The following UNC5C variants were observed in gnomAD, a reference collection of about 807,000 sequenced individuals.
The protein encoded by UNC5C is netrin receptor UNC5C.
Under a neutral mutation model 99.8 loss-of-function variants are expected in UNC5C, and 47 were observed. The observed-to-expected ratio is 0.47, with a 90% confidence interval of 0.37 to 0.60. The LOEUF is 0.60. Ranked by LOEUF, UNC5C falls within the 20% of genes least tolerant of loss-of-function variation. The pLI, the probability that UNC5C is intolerant of heterozygous loss-of-function variation, is 0.00. For synonymous variants in UNC5C, 487 were observed against 452.2 expected (o/e 1.08, Z -0.98); for missense variants, 1,062 against 1,165.9 (o/e 0.91, Z 1.30).
At chr4:95,472,536 C>T (rs1748002460) in intron 1 of UNC5C, among the ~76,000 whole-genome samples, 2 of 152,078 alleles carry the variant, frequency 1.3e-5, no homozygotes, top group Non-Finnish European at 2.9e-5. Flanking sequence ...AAAGTGAGCA[C>T]ATGAAAACCG....
intron 2 of UNC5C, among the ~76,000 whole-genome samples, chr4:95,304,263 C>T (rs555974041): frequency 6.6e-6 from 1 of 152,234 alleles, no homozygotes; most frequent in African/African-American, 2.4e-5. Flanking sequence ...ATTAGCAATC[C>T]TTGTATGTTT....
In UNC5C at chr4:95,219,097, G is replaced by T. The variant is rs1738365997; in HGVS notation, c.1517C>A (p.Thr506Asn). 6.2e-7 allele frequency: 1 copy of T among 1,614,154 alleles called. No homozygotes were observed. Among genetic ancestry groups the T allele is most frequent in the Non-Finnish European group, 8.5e-7 (1 of 1,180,024 alleles). ...EFTSKLSPQM[T>N]QSLLENEALS... ...GGCTTCATTCTCCAACAACGACTGGGTCATCTGAGGGGACAGCTTGGACGT... is the reference window on the plus strand; with the variant it reads ...GGCTTCATTCTCCAACAACGACTGGTTCATCTGAGGGGACAGCTTGGACGT... The change falls in exon 9 of 16, where the codon ACC becomes AAC. Residue 506 changes from threonine to asparagine, a missense_variant. By Grantham distance (65) the Thr-to-Asn change is moderately conservative. Around this residue, in one of 3 missense-constraint regions of UNC5C, gnomAD observed 810 missense variants for 854.5 expected, o/e 0.95. Coordinates refer to ENST00000453304, the MANE Select transcript of UNC5C (RefSeq NM_003728.4).
intron 1 of UNC5C, among the ~76,000 whole-genome samples, chr4:95,483,751 T>A (rs1721243780): frequency 6.6e-6 from 1 of 151,818 alleles, no homozygotes; most frequent in African/African-American, 2.4e-5. Flanking sequence ...TTATTTTTAC[T>A]GTTTTCAACC....
chr4:95,164,276 A>G lies in UNC5C; in HGVS notation c.*4958T>C, dbSNP rs906994262. 2 of 152,236 alleles carry G rather than the reference A, an allele frequency of 1.3e-5. No homozygotes were observed. The highest frequency in any genetic ancestry group is 2.4e-5 in the African/African-American group (1 of 41,466). The allele number at this position is 152,236 out of a possible 1,614,324, so 9.4% of individuals were successfully genotyped here. On this transcript the variant is annotated 3_prime_UTR_variant, in exon 16 of 16. Coordinates refer to ENST00000453304, the MANE Select transcript of UNC5C (RefSeq NM_003728.4). ...ACTTCATTTGGCTTTCCTGGCCTGTATGGATATGGGTTTACATAACATTGG... is the reference window on the plus strand; with the variant it reads ...ACTTCATTTGGCTTTCCTGGCCTGTGTGGATATGGGTTTACATAACATTGG...
chr4:95,171,353 A>G (rs1451085240), intron 14 of UNC5C, among the ~76,000 whole-genome samples: 1 of 151,198 alleles, frequency 6.6e-6, no homozygotes, highest in Non-Finnish European at 1.5e-5. Context: ...ATCTAGCATT[A>G]GGTATATCTC....
chr4:95,177,854 A>G (rs998053156), intron 14 of UNC5C, among the ~76,000 whole-genome samples: 2 of 147,686 alleles, frequency 1.4e-5, no homozygotes, highest in Non-Finnish European at 3.0e-5. Context: ...GGTGTGCACC[A>G]TCACACTGGG....
chr4:95,380,885 C>G (rs979039120), intron 1 of UNC5C, among the ~76,000 whole-genome samples: 2 of 152,136 alleles, frequency 1.3e-5, no homozygotes, highest in African/African-American at 4.8e-5. Context: ...ATGGCTCTCC[C>G]AGGGACCATG....
chr4:95,219,439 G>T, intron 8 of UNC5C, 126 bp from the exon 9 acceptor site: 1 of 865,152 alleles, frequency 1.2e-6, no homozygotes, highest in Non-Finnish European at 1.8e-6. Context: ...GAGATAGATA[G>T]ACAGGCTCTA....
At chr4:95,440,183 GGAAAGCCAGAAGTACACGTAATGGA>G (rs1433175074) in intron 1 of UNC5C, among the ~76,000 whole-genome samples, 1 of 152,132 alleles carries the variant, frequency 6.6e-6, no homozygotes, top group African/African-American at 2.4e-5. Context: ...TGCACGGATA[GGAAAGCCAGAAGTACACGTAATGGA>G]GAAAGGGAGA....
intron 1 of UNC5C, among the ~76,000 whole-genome samples, chr4:95,345,747 G>C (rs1459758941): frequency 1.3e-5 from 2 of 151,914 alleles, no homozygotes; most frequent in African/African-American, 4.8e-5. Flanking sequence ...ATATGCTCCT[G>C]AACAACCAGT....
At chr4:95,224,927 G>C (rs1290799121) in intron 7 of UNC5C, among the ~76,000 whole-genome samples, 1 of 151,816 alleles carries the variant, frequency 6.6e-6, no homozygotes, top group Non-Finnish European at 1.5e-5. Context: ...TTAAGATCAG[G>C]AGGCAAGTGC....
chr4:95,430,990 C>T (rs576736731), intron 1 of UNC5C, among the ~76,000 whole-genome samples: 2 of 152,194 alleles, frequency 1.3e-5, no homozygotes, highest in Admixed American at 6.5e-5. Flanking sequence ...GCCACTCACA[C>T]ATCATTCTTC....
intron 7 of UNC5C, among the ~76,000 whole-genome samples, chr4:95,239,866 C>A (rs1280069675): frequency 1.3e-5 from 2 of 152,060 alleles, no homozygotes; most frequent in East Asian, 1.9e-4. Context: ...TCTTAAGTAC[C>A]AAGTTAGCTT....
intron 1 of UNC5C, among the ~76,000 whole-genome samples, chr4:95,528,534 A>C (rs898222340): frequency 2.0e-5 from 3 of 152,210 alleles, no homozygotes; most frequent in Admixed American, 6.5e-5. Context: ...AGGAGACAAC[A>C]AATGTGCACA....
intron 1 of UNC5C, among the ~76,000 whole-genome samples, chr4:95,497,311 T>G (rs1721657081): frequency 6.6e-6 from 1 of 151,996 alleles, no homozygotes; most frequent in Non-Finnish European, 1.5e-5. Context: ...AGTGTCTGCT[T>G]TTAACCACAG....
chr4:95,245,218 A>G (rs1468176301), intron 5 of UNC5C, 74 bp from the exon 6 acceptor site: 7 of 1,428,192 alleles, frequency 4.9e-6, no homozygotes, highest in Non-Finnish European at 6.5e-6. Context: ...CACAAAACAG[A>G]CACAATATGT....
At chr4:95,238,596 A>G (rs1739212748) in intron 7 of UNC5C, among the ~76,000 whole-genome samples, 2 of 152,300 alleles carry the variant, frequency 1.3e-5, no homozygotes, top group South Asian at 2.1e-4. Context: ...TTTACTCAGT[A>G]AGGTTTATGA....
intron 4 of UNC5C, among the ~76,000 whole-genome samples, chr4:95,254,569 A>G (rs1739881630): frequency 6.6e-6 from 1 of 152,186 alleles, no homozygotes; most frequent in Admixed American, 6.5e-5. Context: ...GATCAATAGC[A>G]TCAGTGTCAC....
At chr4:95,289,806 C>T (rs1741377530) in intron 3 of UNC5C, among the ~76,000 whole-genome samples, 2 of 152,090 alleles carry the variant, frequency 1.3e-5, no homozygotes, top group South Asian at 2.1e-4. Context: ...TTTGGAAGAA[C>T]TAGATTGGCC....
Sources: gnomAD v4.1 joint callset for allele counts (sites outside exome capture counted in the v4.1 genomes callset) on GRCh38, gnomAD v4.1.1 for gene constraint, gnomAD v4.1.1 regional missense constraint, MANE v1.5 for transcripts, NCBI Gene and HGNC (gene_info 2026-07-23, HGNC 2026-07-21) for gene names.